Variants in WNT7A observed in about 807,000 individuals in gnomAD.
WNT7A encodes the protein Wnt family member 7A, also known as protein Wnt-7a.
In WNT7A, 16 loss-of-function variants were observed where a neutral mutation model predicts 28.2. That is an observed-to-expected ratio of 0.57 (90% CI 0.38 to 0.86). The LOEUF (loss-of-function observed/expected upper bound fraction) is 0.86, where lower values mean the gene tolerates loss of function less well. WNT7A is among the 40% of genes least tolerant of loss of function. WNT7A has a pLI of 0.00. For missense variants in WNT7A, 411 were observed against 489.7 expected, an observed-to-expected ratio of 0.84 and a Z score of 1.52; for synonymous variants, 190 against 195.9, an observed-to-expected ratio of 0.97 and a Z score of 0.25.
chr3:13,856,908 G>GAAAAAGAAGAAA (rs1238573530), intron 2 of WNT7A, among the ~76,000 whole-genome samples: 2 of 74,476 alleles, frequency 2.7e-5, no homozygotes, highest in African/African-American at 1.4e-4. Context: ...AGAAGAAGAA[G>GAAAAAGAAGAAA]AAGAAGAAGA....
chr3:13,829,595 T>C (rs1412139668), intron 3 of WNT7A, among the ~76,000 whole-genome samples: 1 of 152,092 alleles, frequency 6.6e-6, no homozygotes, highest in African/African-American at 2.4e-5. Context: ...CCTGCTTCTG[T>C]CTGTACACTG....
At chr3:13,827,989 C>G (rs562348770) in intron 3 of WNT7A, among the ~76,000 whole-genome samples, 21 of 152,208 alleles carry the variant, frequency 1.4e-4, no homozygotes, top group African/African-American at 4.6e-4. Context: ...CCCAGCCCCA[C>G]CCAACCCCAG....
intron 3 of WNT7A, among the ~76,000 whole-genome samples, chr3:13,821,051 C>T (rs960314617): frequency 2.0e-5 from 3 of 152,232 alleles, no homozygotes; most frequent in African/African-American, 7.2e-5. Context: ...CAAAACAACA[C>T]AGATATCCCC....
chr3:13,830,660 T>C (rs1444562522), intron 3 of WNT7A, among the ~76,000 whole-genome samples: 4 of 152,076 alleles, frequency 2.6e-5, no homozygotes, highest in African/African-American at 9.7e-5. Flanking sequence ...GACCACATGG[T>C]GGCTGTGACT....
intron 2 of WNT7A, among the ~76,000 whole-genome samples, chr3:13,864,495 C>G (rs1460739434): frequency 6.6e-6 from 1 of 152,138 alleles, no homozygotes; most frequent in African/African-American, 2.4e-5. Context: ...CCCATGTGGG[C>G]AGCTTCTGTG....
chr3:13,854,718 C>G lies in WNT7A; in HGVS notation c.384G>C (p.Leu128=), dbSNP rs762304731. The change falls in exon 3 of 4, where the codon CTG becomes CTC. Residue 128 remains leucine (L), a synonymous_variant. Coordinates refer to ENST00000285018, the MANE Select transcript of WNT7A (RefSeq NM_004625.4). Reference sequence around the variant, plus strand: ...TCTCTTTGTCGCAGCCACAGTCGCTCAGGTTGCCCTGGGTACAGGCAGCTG... The same window carrying G: ...TCTCTTTGTCGCAGCCACAGTCGCTGAGGTTGCCCTGGGTACAGGCAGCTG... ...AITAACTQGN[L]SDCGCDKEKQ... The G allele has an allele frequency of 5.6e-6, 9 of 1,614,134 alleles. No homozygotes were observed. The highest frequency in any genetic ancestry group is 5.5e-5 in the South Asian group (5 of 91,088).
chr3:13,828,889 G>T (rs1694237209), intron 3 of WNT7A, among the ~76,000 whole-genome samples: 1 of 152,138 alleles, frequency 6.6e-6, no homozygotes, highest in South Asian at 2.1e-4. Context: ...GCAGAGTCAG[G>T]TCACCCAAGA....
chr3:13,842,527 G>A (rs990496054), intron 3 of WNT7A, among the ~76,000 whole-genome samples: 3 of 152,198 alleles, frequency 2.0e-5, no homozygotes, highest in Non-Finnish European at 4.4e-5. Context: ...AAGAGAGGCT[G>A]GTGGCTTGGA....
chr3:13,823,242 T>G (rs537713334), intron 3 of WNT7A, among the ~76,000 whole-genome samples: 1 of 152,288 alleles, frequency 6.6e-6, no homozygotes, highest in South Asian at 2.1e-4. Context: ...AGGGGACTTA[T>G]GAGCTCACCT....
intron 2 of WNT7A, among the ~76,000 whole-genome samples, chr3:13,859,124 A>G (rs1049016764): frequency 8.5e-5 from 13 of 152,210 alleles, no homozygotes; most frequent in Non-Finnish European, 1.6e-4. Context: ...TGTTGTTGTT[A>G]CTATCACCGA....
At chr3:13,849,980 C>T (rs1052465502) in intron 3 of WNT7A, among the ~76,000 whole-genome samples, 2 of 152,156 alleles carry the variant, frequency 1.3e-5, no homozygotes, top group Admixed American at 1.3e-4. Context: ...ACATGTCAGA[C>T]CTGGAGACCC....
intron 1 of WNT7A, chr3:13,875,924 C>T (rs1314132449): frequency 1.3e-5 from 2 of 152,578 alleles, no homozygotes; most frequent in African/African-American, 2.4e-5. Flanking sequence ...GACAGCTGTG[C>T]ACCTGACAGG....
intron 3 of WNT7A, among the ~76,000 whole-genome samples, chr3:13,830,563 C>T (rs1483738229): frequency 6.6e-6 from 1 of 152,182 alleles, no homozygotes; most frequent in Non-Finnish European, 1.5e-5. Context: ...TCCTTGCCCT[C>T]CAGCTTCCCA....
intron 2 of WNT7A, among the ~76,000 whole-genome samples, chr3:13,856,887 GAAGAAA>G (rs1170182425): frequency 0.026 from 1,730 of 67,468 alleles, 16 homozygotes; most frequent in East Asian, 0.065. Context: ...AGAGGAAGAA[GAAGAAA>G]AAGAAGAAGA....
intron 3 of WNT7A, among the ~76,000 whole-genome samples, chr3:13,835,510 A>T (rs951009060): frequency 2.0e-5 from 3 of 152,186 alleles, no homozygotes; most frequent in African/African-American, 7.2e-5. Flanking sequence ...GGCTCTGGCC[A>T]CCCCCATGGG....
chr3:13,826,699 G>A (rs895950446), intron 3 of WNT7A, among the ~76,000 whole-genome samples: 10 of 152,294 alleles, frequency 6.6e-5, no homozygotes, highest in African/African-American at 2.2e-4. Flanking sequence ...CCCTTCCACA[G>A]AATAAAACAG....
intron 3 of WNT7A, among the ~76,000 whole-genome samples, chr3:13,845,551 T>C (rs1694525268): frequency 6.6e-6 from 1 of 152,216 alleles, no homozygotes; most frequent in African/African-American, 2.4e-5. Context: ...CTATTAAGTG[T>C]CCCTGGAGAA....
intron 2 of WNT7A, among the ~76,000 whole-genome samples, chr3:13,868,416 A>G (rs1694943954): frequency 6.6e-6 from 1 of 151,252 alleles, no homozygotes; most frequent in African/African-American, 2.4e-5. Flanking sequence ...TGGAGGCTGC[A>G]GTGAGCTATA....
At chr3:13,855,281 T>C (rs182442734) in intron 2 of WNT7A, among the ~76,000 whole-genome samples, 3 of 152,248 alleles carry the variant, frequency 2.0e-5, no homozygotes, top group African/African-American at 7.2e-5. Flanking sequence ...TCTGTGACTA[T>C]TGGCCAAGGA....
Sources: gnomAD v4.1 joint callset for allele counts (sites outside exome capture counted in the v4.1 genomes callset) on GRCh38, gnomAD v4.1.1 for gene constraint, MANE v1.5 for transcripts, NCBI Gene and HGNC (gene_info 2026-07-23, HGNC 2026-07-21) for gene names.